PPP1R12B: variants seen among roughly 807,000 people sequenced by gnomAD.
The protein encoded by PPP1R12B is protein phosphatase 1 regulatory subunit 12B.
Under a neutral mutation model 126.1 loss-of-function variants are expected in PPP1R12B, and 76 were observed. The observed-to-expected ratio is 0.60, with a 90% CI of 0.50 to 0.73. The LOEUF (loss-of-function observed/expected upper bound fraction) is 0.73, where lower values mean the gene tolerates loss of function less well. PPP1R12B is among the 30% of genes least tolerant of loss of function. PPP1R12B has a pLI of 0.00. For missense variants in PPP1R12B, 1,052 were observed against 1,205.1 expected (o/e 0.87, Z 1.88); for synonymous variants, 356 against 434.7 (o/e 0.82, Z 2.25).
At chr1:202,548,593 G>A (rs1685901432) in intron 18 of PPP1R12B, among the ~76,000 whole-genome samples, 1 of 151,886 alleles carries the variant, frequency 6.6e-6, no homozygotes, top group Non-Finnish European at 1.5e-5. Flanking sequence ...CCAAGGTGCT[G>A]GGCTTACAGG....
intron 1 of PPP1R12B, among the ~76,000 whole-genome samples, chr1:202,366,797 G>T (rs1459631483): frequency 6.6e-6 from 1 of 151,936 alleles, no homozygotes; most frequent in Non-Finnish European, 1.5e-5. Flanking sequence ...TTTACATATG[G>T]GTGCAAAACG....
intron 1 of PPP1R12B, among the ~76,000 whole-genome samples, chr1:202,409,326 C>CTT (rs34793175): frequency 1.2e-4 from 17 of 145,010 alleles, no homozygotes; most frequent in African/African-American, 2.8e-4. Flanking sequence ...CTTGCCAACA[C>CTT]TTTTTTTTTT....
At chr1:202,376,716 T>C (rs916301321) in intron 1 of PPP1R12B, among the ~76,000 whole-genome samples, 5 of 152,136 alleles carry the variant, frequency 3.3e-5, no homozygotes, top group African/African-American at 1.2e-4. Flanking sequence ...AGTAAAGGAA[T>C]ATGGGAAGGA....
At chr1:202,555,325 GAAAA>G (rs56752885) in intron 18 of PPP1R12B, among the ~76,000 whole-genome samples, 36 of 25,350 alleles carry the variant, frequency 1.4e-3, no homozygotes, top group African/African-American at 5.0e-3. Context: ...CTGTTTTAAT[GAAAA>G]AAAAAAAAAA....
In PPP1R12B at chr1:202,353,629, T is replaced by TGTGTGTGTGAGA. The variant is rs540599307; in HGVS notation, c.291+4488_291+4489insTGTGTGTGAGAG. Among the ~76,000 whole-genome samples, 24 of 138,264 alleles carry TGTGTGTGTGAGA rather than the reference T, an allele frequency of 1.7e-4. No individual in the cohort carries two copies. The East Asian group carries it at 4.0e-3, about 23-fold the overall frequency. 90.7% of individuals were successfully genotyped at this position (138,264 alleles called of 152,430 possible). On this transcript the variant is annotated intron_variant, in intron 1 of 23. Transcript: ENST00000608999. ...GTGTGTGTGTGTGTGTGTGTGTGTG[T>TGTGTGTGTGAGA]GACAGGGTCTTGCCCTGTTACCCAG...
rs1670152855 is a variant in PPP1R12B at position 202,431,268 on chromosome 1, T to G, written c.1002-212T>G. 3.3e-5 allele frequency among the ~76,000 whole-genome samples: 5 copies of G among 152,376 alleles called. No individual in the cohort carries two copies. The South Asian group carries it at 8.3e-4, about 25-fold the overall frequency. On this transcript the variant is annotated intron_variant, in intron 7 of 23. Coordinates refer to ENST00000608999, the MANE Select transcript of PPP1R12B (RefSeq NM_002481.4). ...TCATAGTTCTTCTTTTTTCTGTGTG[T>G]TAAGCAGGCCAGATTTCCTTGAGCC...
At chr1:202,448,799 AGGATG>A (rs1212128738) in intron 12 of PPP1R12B, among the ~76,000 whole-genome samples, 185 bp from the exon 13 acceptor site, 1 of 152,212 alleles carries the variant, frequency 6.6e-6, no homozygotes, top group African/African-American at 2.4e-5. Context: ...CCTCAGGCAA[AGGATG>A]TCAGACTAAA....
At chr1:202,445,060 G>C in intron 12 of PPP1R12B, 1 of 1,247,298 alleles carries the variant, frequency 8.0e-7, no homozygotes. Context: ...TCATTTGGTA[G>C]AAGTAGTGAC....
At chr1:202,553,469 A>G (rs1212110238) in intron 18 of PPP1R12B, among the ~76,000 whole-genome samples, 3 of 152,232 alleles carry the variant, frequency 2.0e-5, no homozygotes. Context: ...CATACAGCAT[A>G]ATAAATTTGT....
intron 18 of PPP1R12B, among the ~76,000 whole-genome samples, chr1:202,544,805 CTT>C (rs1325306796): frequency 6.6e-6 from 1 of 152,132 alleles, no homozygotes; most frequent in East Asian, 1.9e-4. Context: ...AATCAATTAG[CTT>C]TGTTTTATAA....
chr1:202,405,754 T>A (rs1368225011), intron 1 of PPP1R12B, among the ~76,000 whole-genome samples: 3 of 152,190 alleles, frequency 2.0e-5, no homozygotes, highest in African/African-American at 7.2e-5. Context: ...TCTGTGCTCT[T>A]AACTGTATGC....
At chr1:202,459,953 TGTTG>T (rs1029848797) in intron 13 of PPP1R12B, among the ~76,000 whole-genome samples, 10 of 152,208 alleles carry the variant, frequency 6.6e-5, no homozygotes, top group Non-Finnish European at 1.5e-4. Context: ...AGTGGCAAGC[TGTTG>T]GCAGATAGCT....
At chr1:202,452,829 TCTC>T (rs1359543181) in intron 13 of PPP1R12B, among the ~76,000 whole-genome samples, 1 of 151,884 alleles carries the variant, frequency 6.6e-6, no homozygotes, top group Admixed American at 6.6e-5. Flanking sequence ...TCTCTCTCTC[TCTC>T]TTTTTTTTTT....
chr1:202,552,637 A>G (rs1340106035), intron 18 of PPP1R12B, among the ~76,000 whole-genome samples: 4 of 152,156 alleles, frequency 2.6e-5, no homozygotes. Context: ...GAATAGCTCA[A>G]ATTGTTTCCC....
intron 6 of PPP1R12B, among the ~76,000 whole-genome samples, chr1:202,429,148 C>T (rs775939338): frequency 6.6e-6 from 1 of 152,076 alleles, no homozygotes; most frequent in Admixed American, 6.6e-5. Flanking sequence ...TATAAGATAG[C>T]CTTCAAGAAG....
intron 18 of PPP1R12B, among the ~76,000 whole-genome samples, chr1:202,505,500 T>C (rs1014634191): frequency 1.3e-5 from 2 of 152,152 alleles, no homozygotes; most frequent in Non-Finnish European, 2.9e-5. Context: ...TGCTGGAGGG[T>C]ATCCAGCAAC....
intron 1 of PPP1R12B, among the ~76,000 whole-genome samples, chr1:202,383,971 G>A (rs1662745474): frequency 3.3e-5 from 5 of 152,108 alleles, no homozygotes; most frequent in Admixed American, 3.3e-4. Flanking sequence ...GATACATAAT[G>A]TTGAAATAAA....
rs1252096907 is a variant in PPP1R12B at position 202,439,000 on chromosome 1, G to C, written c.1458+976G>C. ...AGGAGCGCATGGCCCTGGCCAACCG[G>C]AAGCAGGAGTGCGGCAGTGCCCACT... On this transcript the variant is annotated intron_variant, in intron 10 of 23. Coordinates refer to ENST00000608999, the MANE Select transcript of PPP1R12B (RefSeq NM_002481.4). The C allele has an allele frequency of 5.5e-6, 8 of 1,462,802 alleles. No homozygotes were observed. The African/African-American group carries it at 9.7e-5, about 18-fold the overall frequency. The allele number at this position is 1,462,802 out of a possible 1,614,324, so 90.6% of individuals were successfully genotyped here. A position where few individuals can be genotyped will look rare whatever the true frequency, so the allele number is the denominator to read the frequency against.
chr1:202,430,655 T>G (rs747681550), intron 6 of PPP1R12B, 76 bp from the exon 7 acceptor site: 3 of 1,513,396 alleles, frequency 2.0e-6, no homozygotes, highest in Non-Finnish European at 2.7e-6. Flanking sequence ...GACAGTACCA[T>G]TTTGGTTCTC....
Sources: gnomAD v4.1 joint callset for allele counts (sites outside exome capture counted in the v4.1 genomes callset) on GRCh38, gnomAD v4.1.1 for gene constraint, MANE v1.5 for transcripts, NCBI Gene and HGNC (gene_info 2026-07-23, HGNC 2026-07-21) for gene names.